FGF10: variants seen among roughly 807,000 people sequenced by gnomAD.
The protein encoded by FGF10 is FGF-10.
A neutral mutation model predicts 19.8 loss-of-function variants in FGF10; 2 were observed. That is an observed-to-expected ratio of 0.10 (90% CI 0.04 to 0.32). The LOEUF is 0.32. Among genes scored for constraint, FGF10 ranks in the 10% least tolerant of loss-of-function variants. FGF10 has a pLI of 1.00. For missense variants in FGF10, 191 were observed against 246.3 expected, an observed-to-expected ratio of 0.78 and a Z score of 1.50; for synonymous variants, 112 against 94.0, an observed-to-expected ratio of 1.19 and a Z score of -1.10.
rs750663438 is a variant in FGF10, at chr5:44,303,138, T to C, written c.*1857A>G. Among the ~76,000 whole-genome samples the C allele has an allele frequency of 6.6e-6, 1 of 152,160 alleles. No homozygotes were observed. The highest frequency in any genetic ancestry group is 1.5e-5 in the Non-Finnish European group (1 of 68,018). On this transcript the variant is annotated 3_prime_UTR_variant, in exon 3 of 3. Transcript: ENST00000264664. ...GTATGATGAAATGCAATTTAAACTA[T>C]AAGCCAAAAGACAGTGCCTCAAATG...
chr5:44,335,112 T>C (rs17234275), intron 1 of FGF10, among the ~76,000 whole-genome samples: 2 of 152,154 alleles, frequency 1.3e-5, no homozygotes, highest in Non-Finnish European at 2.9e-5. Context: ...CATATAAATC[T>C]GAATAGTCTT....
At chr5:44,369,926 C>T (rs1227414384) in intron 1 of FGF10, among the ~76,000 whole-genome samples, 2 of 152,080 alleles carry the variant, frequency 1.3e-5, no homozygotes. Context: ...TCCTTTCCTC[C>T]CATCACCTCT....
chr5:44,360,832 A>G (rs1579932119), intron 1 of FGF10, among the ~76,000 whole-genome samples: 1 of 151,814 alleles, frequency 6.6e-6, no homozygotes, highest in Non-Finnish European at 1.5e-5. Flanking sequence ...ACAATCACCA[A>G]GTGAATAATT....
intron 1 of FGF10, among the ~76,000 whole-genome samples, chr5:44,342,704 T>G (rs1554037729): frequency 6.6e-6 from 1 of 151,924 alleles, no homozygotes; most frequent in Non-Finnish European, 1.5e-5. Flanking sequence ...AAAAATAAGT[T>G]GCTTGCTTTG....
chr5:44,387,476 T>G (rs1000386363), intron 1 of FGF10, among the ~76,000 whole-genome samples: 1 of 152,036 alleles, frequency 6.6e-6, no homozygotes, highest in African/African-American at 2.4e-5. Flanking sequence ...ACTTTGAAAA[T>G]AAAAGAATGA....
intron 1 of FGF10, among the ~76,000 whole-genome samples, chr5:44,314,492 A>C (rs1233962128): frequency 6.6e-6 from 1 of 152,194 alleles, no homozygotes; most frequent in Non-Finnish European, 1.5e-5. Flanking sequence ...GACAAAAATC[A>C]GTTCATATTA....
chr5:44,351,489 A>G (rs538522336), intron 1 of FGF10, among the ~76,000 whole-genome samples: 22 of 151,746 alleles, frequency 1.4e-4, no homozygotes, highest in African/African-American at 4.8e-4. Flanking sequence ...AAATAGAAAT[A>G]TCTCTGACGA....
intron 1 of FGF10, among the ~76,000 whole-genome samples, chr5:44,346,283 AT>A (rs1307469802): frequency 6.6e-6 from 1 of 151,342 alleles, no homozygotes; most frequent in African/African-American, 2.4e-5. Context: ...CAAAACCATC[AT>A]TTTTTTCTCA....
chr5:44,332,597 T>C (rs752532354), intron 1 of FGF10, among the ~76,000 whole-genome samples: 1 of 151,968 alleles, frequency 6.6e-6, no homozygotes, highest in Non-Finnish European at 1.5e-5. Flanking sequence ...TTCCCTAGAG[T>C]AGTTAACAAG....
chr5:44,364,228 C>T (rs1233137807), intron 1 of FGF10, among the ~76,000 whole-genome samples: 2 of 151,730 alleles, frequency 1.3e-5, no homozygotes, highest in Non-Finnish European at 2.9e-5. Context: ...AGCCCTTAGA[C>T]GTATTAAGAA....
intron 1 of FGF10, among the ~76,000 whole-genome samples, chr5:44,370,618 A>C (rs1741721313): frequency 6.6e-6 from 1 of 152,120 alleles, no homozygotes; most frequent in East Asian, 1.9e-4. Context: ...TAACACTCTA[A>C]ATTAGCAGCT....
intron 1 of FGF10, among the ~76,000 whole-genome samples, chr5:44,379,565 C>T (rs1741942224): frequency 6.6e-6 from 1 of 152,196 alleles, no homozygotes; most frequent in Admixed American, 6.5e-5. Flanking sequence ...CTTTTAATCA[C>T]TCTATCATAC....
intron 1 of FGF10, among the ~76,000 whole-genome samples, chr5:44,383,928 C>A (rs1232719124): frequency 1.3e-5 from 2 of 152,026 alleles, no homozygotes; most frequent in Non-Finnish European, 2.9e-5. Context: ...TTATTTTTTT[C>A]TCACTTCATT....
chr5:44,310,610 G>A, intron 1 of FGF10, 80 bp from the exon 2 acceptor site: 1 of 1,086,826 alleles, frequency 9.2e-7, no homozygotes, highest in Non-Finnish European at 1.4e-6. Context: ...AGAAACTATT[G>A]AGTTGTTTTT....
chr5:44,388,222 A>G, intron 1 of FGF10, 136 bp downstream of exon 1: 1 of 847,008 alleles, frequency 1.2e-6, no homozygotes, highest in Non-Finnish European at 2.0e-6. Flanking sequence ...AATTAGTGTG[A>G]AAGTATTCCA....
chr5:44,353,520 G>A (rs906896159), intron 1 of FGF10, among the ~76,000 whole-genome samples: 11 of 151,348 alleles, frequency 7.3e-5, no homozygotes, highest in South Asian at 2.1e-4. Flanking sequence ...TTTAAATTGC[G>A]TCAAGCCCCT....
Position 44,388,350 on chromosome 5 carries a change from T to C in FGF10, c.325+8A>G, listed in dbSNP as rs991153960. On this transcript the variant is annotated splice_region_variant and intron_variant, in intron 1 of 2. Coordinates refer to ENST00000264664, the MANE Select transcript of FGF10 (RefSeq NM_004465.2). ...TTGGAAGGAGGGGAGCATGCATTTG[T>C]TACTTACTGTACGGGCAGTTCTCCT... The C allele has an allele frequency of 1.9e-6, 3 of 1,612,432 alleles. No individual in the cohort carries two copies. The highest frequency in any genetic ancestry group is 1.7e-6 in the Non-Finnish European group (2 of 1,179,480).
chr5:44,387,265 T>C (rs969984691), intron 1 of FGF10, among the ~76,000 whole-genome samples: 1 of 152,058 alleles, frequency 6.6e-6, no homozygotes, highest in Non-Finnish European at 1.5e-5. Flanking sequence ...AGAGACACAA[T>C]ATCCACCCCT....
intron 1 of FGF10, among the ~76,000 whole-genome samples, chr5:44,332,556 C>T (rs1292067710): frequency 1.3e-5 from 2 of 152,076 alleles, no homozygotes; most frequent in African/African-American, 4.8e-5. Context: ...GTACATATGT[C>T]CTACTGCCCT....
Sources: allele counts gnomAD v4.1 joint callset (sites outside exome capture counted in the v4.1 genomes callset), GRCh38; gene constraint gnomAD v4.1.1; transcripts MANE v1.5; gene names NCBI Gene and HGNC (gene_info 2026-07-23, HGNC 2026-07-21).